The following METTL15 variants were observed in gnomAD, a reference collection of about 807,000 sequenced individuals.
METTL15 encodes methyltransferase 15, mitochondrial 12S rRNA N4-cytidine.
A neutral mutation model predicts 38.3 loss-of-function variants in METTL15; 34 were observed. That is an observed-to-expected ratio of 0.89 (90% CI 0.68 to 1.18). METTL15 has a LOEUF of 1.18. METTL15 is among the 50% of genes most tolerant of loss of function. METTL15 has a pLI of 0.00. For synonymous variants in METTL15, 162 were observed against 170.9 expected (o/e 0.95, Z 0.41); for missense variants, 438 against 498.4 (o/e 0.88, Z 1.15).
chr11:28,111,683 T>C (rs1229651092), intron 2 of METTL15, among the ~76,000 whole-genome samples: 1 of 152,222 alleles, frequency 6.6e-6, no homozygotes, highest in African/African-American at 2.4e-5. Context: ...TTTGGCAAAT[T>C]ACTTCTCTGT....
At chr11:28,248,069 T>C (rs1212612039) in intron 4 of METTL15, among the ~76,000 whole-genome samples, 1 of 152,106 alleles carries the variant, frequency 6.6e-6, no homozygotes, top group Non-Finnish European at 1.5e-5. Context: ...GTTTATTCTA[T>C]AAATCTTATC....
chr11:28,483,664 G>A (rs1427374458), intron 6 of METTL15, among the ~76,000 whole-genome samples: 1 of 152,072 alleles, frequency 6.6e-6, no homozygotes, highest in Non-Finnish European at 1.5e-5. Flanking sequence ...CATAGCCATG[G>A]GCAATATGTC....
chr11:28,217,698 C>T (rs545332601), intron 4 of METTL15, among the ~76,000 whole-genome samples: 39 of 152,170 alleles, frequency 2.6e-4, no homozygotes, highest in Admixed American at 5.2e-4. Flanking sequence ...TTAGGTCTAC[C>T]ATTTAAGTCT....
intron 5 of METTL15, among the ~76,000 whole-genome samples, chr11:28,419,331 G>A (rs903877671): frequency 5.9e-5 from 9 of 152,288 alleles, no homozygotes; most frequent in Middle Eastern, 3.4e-3. Context: ...GAAAAAGTAA[G>A]GGAAGAGAGC....
At chr11:28,202,633 G>T (rs1051146603) in intron 3 of METTL15, among the ~76,000 whole-genome samples, 4 of 152,018 alleles carry the variant, frequency 2.6e-5, no homozygotes, top group Non-Finnish European at 5.9e-5. Context: ...ATATAGTTCA[G>T]CATGTGCTTG....
chr11:28,294,402 G>A (rs929867991), intron 5 of METTL15, among the ~76,000 whole-genome samples: 3 of 152,130 alleles, frequency 2.0e-5, no homozygotes, highest in Admixed American at 2.0e-4. Context: ...TGATGAAGAC[G>A]GATGCAAGAG....
chr11:28,233,382 CA>C (rs1167815001), intron 4 of METTL15, among the ~76,000 whole-genome samples: 2 of 151,926 alleles, frequency 1.3e-5, no homozygotes, highest in African/African-American at 2.4e-5. Context: ...TAAATGATTA[CA>C]TTTTTTTGTT....
At chr11:28,197,539 G>A (rs1416882273) in intron 3 of METTL15, 1 of 441,726 alleles carries the variant, frequency 2.3e-6, no homozygotes, top group African/African-American at 2.0e-5. Flanking sequence ...AGGAAACTGA[G>A]GCTCAGAGAA....
intron 3 of METTL15, among the ~76,000 whole-genome samples, chr11:28,117,872 C>A (rs1189285638): frequency 6.6e-6 from 1 of 152,194 alleles, no homozygotes; most frequent in African/African-American, 2.4e-5. Flanking sequence ...TCTTCCTGAG[C>A]CTTTTCCCCA....
intron 5 of METTL15, among the ~76,000 whole-genome samples, chr11:28,389,441 C>T (rs1399744304): frequency 7.4e-6 from 1 of 135,288 alleles, no homozygotes; most frequent in Non-Finnish European, 1.5e-5. Flanking sequence ...TCCATGTGTT[C>T]TCATTGTTCA....
At chr11:28,244,338 T>C (rs1017126423) in intron 4 of METTL15, among the ~76,000 whole-genome samples, 2 of 152,234 alleles carry the variant, frequency 1.3e-5, no homozygotes, top group African/African-American at 4.8e-5. Flanking sequence ...TTAAAAATTC[T>C]GCTTGAATTT....
intron 3 of METTL15, among the ~76,000 whole-genome samples, chr11:28,207,158 G>A (rs1041693028): frequency 1.1e-4 from 17 of 150,636 alleles, no homozygotes; most frequent in African/African-American, 3.9e-4. Context: ...GAGTAGGAGT[G>A]GTGAGAGAGG....
chr11:28,267,650 AC>A (rs553298313), intron 4 of METTL15, among the ~76,000 whole-genome samples: 44 of 152,304 alleles, frequency 2.9e-4, no homozygotes, highest in South Asian at 8.3e-4. Flanking sequence ...GTTCTGTTCC[AC>A]AGACTTCAAA....
intron 5 of METTL15, among the ~76,000 whole-genome samples, chr11:28,377,797 C>T (rs1590351654): frequency 7.9e-6 from 1 of 126,010 alleles, no homozygotes; most frequent in East Asian, 2.1e-4. Flanking sequence ...GTTTTATCCA[C>T]TTTTGGTCTT....
At chr11:28,129,956 T>C (rs1427086216) in intron 3 of METTL15, among the ~76,000 whole-genome samples, 1 of 151,988 alleles carries the variant, frequency 6.6e-6, no homozygotes, top group African/African-American at 2.4e-5. Flanking sequence ...AATCTATAAT[T>C]GATGGAGAAA....
At chr11:28,363,805 T>G (rs535637414) in intron 5 of METTL15, among the ~76,000 whole-genome samples, 1 of 152,336 alleles carries the variant, frequency 6.6e-6, no homozygotes, top group African/African-American at 2.4e-5. Context: ...CTGTGATTTT[T>G]ATAGTTTGAG....
intron 5 of METTL15, among the ~76,000 whole-genome samples, chr11:28,384,224 G>C (rs7116476): frequency 0.055 from 8,334 of 151,942 alleles, 401 homozygotes; most frequent in African/African-American, 0.13. Flanking sequence ...TGGGCATTTT[G>C]GTTGATTCAA....
chr11:28,244,675 G>A (rs1189464766), intron 4 of METTL15, among the ~76,000 whole-genome samples: 1 of 152,164 alleles, frequency 6.6e-6, no homozygotes, highest in Non-Finnish European at 1.5e-5. Flanking sequence ...AAAAGTATTA[G>A]CAAGTGTCAG....
chr11:28,310,965 G>GTGGGGGT (rs1565244523), intron 6 of METTL15, among the ~76,000 whole-genome samples: 1 of 77,484 alleles, frequency 1.3e-5, no homozygotes, highest in Non-Finnish European at 2.4e-5. Flanking sequence ...GGTGGTGGTG[G>GTGGGGGT]GTGTGTGTGT....
Sources: gnomAD v4.1 joint callset for allele counts (sites outside exome capture counted in the v4.1 genomes callset) on GRCh38, gnomAD v4.1.1 for gene constraint, MANE v1.5 for transcripts, NCBI Gene and HGNC (gene_info 2026-07-23, HGNC 2026-07-21) for gene names.